Variants in FUT8 observed in about 807,000 individuals in gnomAD.
FUT8 encodes the protein alpha-(1,6)-fucosyltransferase.
In FUT8, 29 loss-of-function variants were observed where a neutral mutation model predicts 71.3. The ratio of observed to expected loss-of-function variants is 0.41; its 90% CI spans 0.30 to 0.55. The LOEUF is 0.55. Among genes scored for constraint, FUT8 ranks in the 20% least tolerant of loss-of-function variants. FUT8 has a pLI of 0.34. For missense variants in FUT8, 544 were observed against 702.1 expected (o/e 0.77, Z 2.55); for synonymous variants, 254 against 239.3 (o/e 1.06, Z -0.57).
intron 7 of FUT8, among the ~76,000 whole-genome samples, chr14:65,697,047 T>G (rs1022605100): frequency 2.0e-5 from 3 of 152,244 alleles, no homozygotes; most frequent in African/African-American, 7.2e-5. Flanking sequence ...TATCGGAGTC[T>G]GGTTCTGAGG....
At chr14:65,459,140 T>G (rs896849002) in intron 2 of FUT8, among the ~76,000 whole-genome samples, 2 of 152,138 alleles carry the variant, frequency 1.3e-5, no homozygotes, top group Non-Finnish European at 2.9e-5. Context: ...CAGAGCATTT[T>G]AGAGCTATTT....
intron 2 of FUT8, among the ~76,000 whole-genome samples, chr14:65,508,095 T>C (rs1418280805): frequency 4.7e-5 from 2 of 42,964 alleles, no homozygotes; most frequent in Non-Finnish European, 1.1e-4. Context: ...TGAGATGGAG[T>C]CTTGCTCTGT....
Position 65,733,327 on chromosome 14 carries a change from G to A in FUT8, c.1356G>A (p.Leu452=), listed in dbSNP as rs773326696. Residue 452 remains leucine, a synonymous_variant, in exon 10 of 11, where the codon CTG becomes CTA. Coordinates refer to ENST00000673929, the MANE Select transcript of FUT8 (RefSeq NM_001371533.1). The part of the protein sequence containing the change: ...YTENSLRGVI[L]DIHFLSQADF... ...AAAATTCACTTCGTGGAGTGATCCT[G>A]GATATACATTTTCTCTCTCAGGCAG... 20 of 1,609,396 alleles carry A rather than the reference G, an allele frequency of 1.2e-5. No individual in the cohort carries two copies. The Admixed American group carries it at 1.3e-4, about 11-fold the overall frequency.
intron 2 of FUT8, among the ~76,000 whole-genome samples, chr14:65,539,226 C>T (rs918676720): frequency 1.3e-5 from 2 of 152,132 alleles, no homozygotes; most frequent in Non-Finnish European, 2.9e-5. Context: ...TGTATTTCAT[C>T]GTCCTAAATT....
chr14:65,695,143 TGTGGC>T (rs1334413741), intron 7 of FUT8, among the ~76,000 whole-genome samples: 1 of 152,200 alleles, frequency 6.6e-6, no homozygotes, highest in African/African-American at 2.4e-5. Context: ...TGCATTCTAC[TGTGGC>T]TAGATGAAGT....
intron 2 of FUT8, among the ~76,000 whole-genome samples, chr14:65,512,908 A>C (rs1432680341): frequency 1.6e-5 from 1 of 63,480 alleles, no homozygotes; most frequent in African/African-American, 1.9e-4. Context: ...ACTCTGTCTC[A>C]AAAAAAAAAA....
At chr14:65,493,167 C>T (rs976801260) in intron 2 of FUT8, among the ~76,000 whole-genome samples, 19 of 152,052 alleles carry the variant, frequency 1.2e-4, no homozygotes, top group African/African-American at 4.3e-4. Context: ...GCATTGTATA[C>T]CTTTCCAGGG....
chr14:65,677,037 C>T (rs7342545), intron 7 of FUT8, among the ~76,000 whole-genome samples: 11,410 of 151,418 alleles, frequency 0.075, 530 homozygotes, highest in Admixed American at 0.12. Flanking sequence ...ATATTTTTTT[C>T]CCTCCAAAAG....
intron 7 of FUT8, among the ~76,000 whole-genome samples, chr14:65,708,833 T>A (rs537961516): frequency 1.3e-5 from 2 of 152,202 alleles, no homozygotes; most frequent in East Asian, 3.9e-4. Context: ...CAGTGCCTGC[T>A]GCGGTCGGGG....
intron 5 of FUT8, among the ~76,000 whole-genome samples, chr14:65,626,836 C>T (rs1889917999): frequency 3.3e-5 from 5 of 152,126 alleles, no homozygotes; most frequent in Admixed American, 3.3e-4. Flanking sequence ...ACATTTCTGA[C>T]TTTATAATTT....
Position 65,496,457 on chromosome 14 carries a change from C to A in FUT8, c.-228+40739C>A, listed in dbSNP as rs12147814. 9.3e-4 allele frequency among the ~76,000 whole-genome samples: 142 copies of A among 152,212 alleles called. 4 individuals carry two copies. In the South Asian group the frequency reaches 0.028, roughly 30 times the overall value. ...TGAATTGTAATCCCCATAATCCCCA[C>A]GTGTCAAGGGAGAGACCTGGTGGGA... On this transcript the variant is annotated intron_variant, in intron 2 of 10. Transcript: ENST00000673929.
chr14:65,636,322 T>TTG (rs1555378366), intron 6 of FUT8, among the ~76,000 whole-genome samples: 2 of 151,710 alleles, frequency 1.3e-5, no homozygotes, highest in African/African-American at 4.8e-5. Flanking sequence ...TGTATTTTTT[T>TTG]TTTGTTTGTT....
intron 1 of FUT8, among the ~76,000 whole-genome samples, chr14:65,438,785 A>G (rs1203905267): frequency 6.6e-6 from 1 of 152,128 alleles, no homozygotes; most frequent in African/African-American, 2.4e-5. Flanking sequence ...CTCCACTGCT[A>G]AGTCCCTGAA....
At chr14:65,564,660 G>T (rs1886092589) in intron 3 of FUT8, among the ~76,000 whole-genome samples, 1 of 151,912 alleles carries the variant, frequency 6.6e-6, no homozygotes, top group Non-Finnish European at 1.5e-5. Flanking sequence ...GAATTCTGTT[G>T]TTCCCTCTTA....
At chr14:65,689,171 G>C (rs973334055) in intron 7 of FUT8, among the ~76,000 whole-genome samples, 3 of 152,152 alleles carry the variant, frequency 2.0e-5, no homozygotes, top group South Asian at 2.1e-4. Context: ...CCAGCATTTG[G>C]TGTTGTCACT....
At chr14:65,383,895 T>C in the FUT8 span, among the ~76,000 whole-genome samples, 2 of 150,978 alleles carry the variant, frequency 1.3e-5, no homozygotes, top group South Asian at 4.2e-4. Context: ...AAAGGTCCCA[T>C]GGGATGAAAC....
At chr14:65,357,043 C>T in the FUT8 span, among the ~76,000 whole-genome samples, 1 of 152,180 alleles carries the variant, frequency 6.6e-6, no homozygotes, top group Non-Finnish European at 1.5e-5. Flanking sequence ...TAATAGAAGC[C>T]ATGAGTACTT....
chr14:65,372,413 CTTCTTTTTTTTTT>C, the FUT8 span, among the ~76,000 whole-genome samples: 1 of 151,806 alleles, frequency 6.6e-6, no homozygotes, highest in Non-Finnish European at 1.5e-5. Context: ...CTTTCCCTTC[CTTCTTTTTTTTTT>C]TTCTTTTGGG....
At chr14:65,493,489 A>G (rs1004031411) in intron 2 of FUT8, among the ~76,000 whole-genome samples, 1 of 152,102 alleles carries the variant, frequency 6.6e-6, no homozygotes, top group Non-Finnish European at 1.5e-5. Flanking sequence ...ACAAAAAAGG[A>G]AATAATGGTA....
Sources: gnomAD v4.1 joint callset for allele counts (sites outside exome capture counted in the v4.1 genomes callset) on GRCh38, gnomAD v4.1.1 for gene constraint, MANE v1.5 for transcripts, NCBI Gene and HGNC (gene_info 2026-07-23, HGNC 2026-07-21) for gene names.